The following PHF21A variants were observed in gnomAD, a reference collection of about 807,000 sequenced individuals.
The protein encoded by PHF21A is PHD finger protein 21A.
PHF21A carries 11 observed loss-of-function variants against 82.5 expected under a neutral mutation model. That is an observed-to-expected ratio of 0.13 (90% CI 0.08 to 0.22). PHF21A has a LOEUF of 0.22. Among genes scored for constraint, PHF21A ranks in the 10% least tolerant of loss-of-function variants. The probability of loss-of-function intolerance (pLI) is 1.00; values close to 1 mark genes in which losing one functional copy is unlikely to be tolerated. For synonymous variants in PHF21A, 297 were observed against 302.8 expected (o/e 0.98, Z 0.20); for missense variants, 579 against 837.8 (o/e 0.69, Z 3.81).
At chr11:45,961,782 C>T (rs571723492) in intron 10 of PHF21A, among the ~76,000 whole-genome samples, 42 of 152,236 alleles carry the variant, frequency 2.8e-4, no homozygotes, top group African/African-American at 9.2e-4. Flanking sequence ...CATTTTAGAG[C>T]GCTGGAGAGG....
intron 6 of PHF21A, among the ~76,000 whole-genome samples, chr11:46,055,158 T>C (rs546487493): frequency 2.8e-4 from 42 of 152,296 alleles, no homozygotes; most frequent in African/African-American, 1.0e-3. Context: ...GCAATCTGAA[T>C]GTAGAATCCT....
In PHF21A at chr11:45,946,015, G is replaced by A. The variant is rs146391141; in HGVS notation, c.1289-12C>T. The stretch of plus-strand genomic sequence containing the variant: ...TTTTGGAGGACGACCTATATACCAA[G>A]AGAAGGGAACAAAAGGGAAAAACGG... On this transcript the variant is annotated splice_polypyrimidine_tract_variant and intron_variant, in intron 14 of 18. Coordinates refer to ENST00000676320, the MANE Select transcript of PHF21A (RefSeq NM_001352027.3). The A allele has an allele frequency of 1.4e-5, 23 of 1,614,032 alleles. No homozygotes were observed. In the African/African-American group the frequency reaches 2.4e-4, roughly 17 times the overall value.
At chr11:45,997,365 C>A (rs999252114) in intron 6 of PHF21A, among the ~76,000 whole-genome samples, 2 of 152,098 alleles carry the variant, frequency 1.3e-5, no homozygotes, top group African/African-American at 2.4e-5. Flanking sequence ...AATAACAGGA[C>A]TATACTTCTT....
At chr11:46,000,562 A>T (rs994848383) in intron 6 of PHF21A, among the ~76,000 whole-genome samples, 2 of 152,172 alleles carry the variant, frequency 1.3e-5, no homozygotes, top group Non-Finnish European at 2.9e-5. Context: ...AAATTGACCA[A>T]TGATCTGTCA....
chr11:46,049,532 G>A (rs1160101518), intron 6 of PHF21A: 1 of 455,664 alleles, frequency 2.2e-6, no homozygotes, highest in Non-Finnish European at 4.4e-6. Flanking sequence ...AGAAGGTCAG[G>A]TAGAAGAGGG....
At chr11:46,026,677 G>A (rs983598600) in intron 6 of PHF21A, 2 of 152,018 alleles carry the variant, frequency 1.3e-5, no homozygotes, top group Non-Finnish European at 2.9e-5. Flanking sequence ...ATTAACATAT[G>A]AGCAGAGCTC....
At chr11:45,951,538 T>C (rs2135517261) in intron 11 of PHF21A, among the ~76,000 whole-genome samples, 1 of 152,358 alleles carries the variant, frequency 6.6e-6, no homozygotes, top group South Asian at 2.1e-4. Context: ...CTTTCTAAAC[T>C]GTATGTTGAA....
chr11:45,935,948 C>T (rs1453561972), intron 17 of PHF21A, among the ~76,000 whole-genome samples: 1 of 152,116 alleles, frequency 6.6e-6, no homozygotes, highest in Non-Finnish European at 1.5e-5. Flanking sequence ...TCTGGCTTTA[C>T]ATAAATGAGA....
rs2088823795 is a variant in PHF21A, at chr11:45,935,743, A to G, written c.1685-4T>C. 4 of 28,886 alleles carry G rather than the reference A, an allele frequency of 1.4e-4. No individual in the cohort carries two copies. Among genetic ancestry groups the G allele is most frequent in the African/African-American group, 1.8e-4 (1 of 5,566 alleles). 1.8% of individuals were successfully genotyped at this position (28,886 alleles called of 1,614,324 possible). A position where few individuals can be genotyped will look rare whatever the true frequency, so the allele number is the denominator to read the frequency against. On this transcript the variant is annotated splice_region_variant and splice_polypyrimidine_tract_variant and intron_variant, in intron 17 of 18. Coordinates refer to ENST00000676320, the MANE Select transcript of PHF21A (RefSeq NM_001352027.3). ...TTCTGTTTCTCTTCTTCTTTTGCTA[A>G]AAAAAAAAAAAAAAAAAAAAAGGAA...
intron 1 of PHF21A, among the ~76,000 whole-genome samples, chr11:46,092,759 CTTT>C (rs10681499): frequency 7.4e-6 from 1 of 135,636 alleles, no homozygotes; most frequent in East Asian, 2.1e-4. Flanking sequence ...TGTGTCTCAC[CTTT>C]TTTTTTTTTT....
intron 9 of PHF21A, among the ~76,000 whole-genome samples, chr11:45,967,738 G>C (rs572387875): frequency 6.6e-6 from 1 of 151,766 alleles, no homozygotes; most frequent in African/African-American, 2.4e-5. Context: ...TGTGGCCCAT[G>C]AAAGTCTTGT....
intron 6 of PHF21A, among the ~76,000 whole-genome samples, chr11:46,037,510 G>A (rs1387660103): frequency 2.0e-5 from 3 of 152,020 alleles, no homozygotes; most frequent in South Asian, 4.1e-4. Context: ...GCATGATGGC[G>A]CATGCCTGTA....
intron 10 of PHF21A, among the ~76,000 whole-genome samples, chr11:45,964,657 TA>T (rs1325357159): frequency 6.6e-6 from 1 of 152,226 alleles, no homozygotes; most frequent in African/African-American, 2.4e-5. Flanking sequence ...TGACTGCCTA[TA>T]AATCCTTCTT....
At chr11:46,031,514 A>T (rs926828418) in intron 6 of PHF21A, among the ~76,000 whole-genome samples, 3 of 152,186 alleles carry the variant, frequency 2.0e-5, no homozygotes, top group Non-Finnish European at 4.4e-5. Flanking sequence ...AGGACCCATG[A>T]GGTGAGGGTC....
Position 45,979,923 on chromosome 11 carries a change from T to C in PHF21A, c.197A>G (p.Gln66Arg). 6.2e-7 allele frequency: 1 copy of C among 1,614,222 alleles called. No individual in the cohort carries two copies. The highest frequency in any genetic ancestry group is 8.5e-7 in the Non-Finnish European group (1 of 1,180,026). The part of the protein sequence containing the change: ...EQLRKNLIVK[Q>R]EQPDKFQIQP... ...TATTTGGAACTTGTCCGGTTGTTCT[T>C]GCTTTACTATCAGGTTCTTCCGTAG... Residue 66 changes from glutamine (Q) to arginine (R), a missense_variant, in exon 7 of 19, where the codon CAA (glutamine) becomes CGA (arginine). Physicochemically the swap from Gln to Arg is conservative, Grantham distance 43 (BLOSUM62 1). Around this residue, in one of 3 missense-constraint regions of PHF21A, gnomAD observed 410 missense variants for 642.1 expected, o/e 0.64. Coordinates refer to ENST00000676320, the MANE Select transcript of PHF21A (RefSeq NM_001352027.3).
At chr11:46,060,604 G>A (rs932152587) in intron 6 of PHF21A, among the ~76,000 whole-genome samples, 4 of 152,092 alleles carry the variant, frequency 2.6e-5, no homozygotes, top group Non-Finnish European at 4.4e-5. Flanking sequence ...ATGATTGTTG[G>A]CCACATGTGT....
At chr11:45,938,036 T>C in intron 16 of PHF21A, 121 bp downstream of exon 16, 2 of 814,450 alleles carry the variant, frequency 2.5e-6, no homozygotes, top group Non-Finnish European at 3.8e-6. Context: ...ACAGGGAAGA[T>C]GCAGCCCGGA....
intron 10 of PHF21A, among the ~76,000 whole-genome samples, chr11:45,959,260 A>T (rs1196641939): frequency 9.8e-5 from 15 of 152,372 alleles, no homozygotes; most frequent in Admixed American, 9.8e-4. Context: ...TATATTAATT[A>T]GCTTGATTAT....
chr11:45,992,923 C>T (rs561721904), intron 6 of PHF21A, among the ~76,000 whole-genome samples: 286 of 152,274 alleles, frequency 1.9e-3, no homozygotes, highest in African/African-American at 6.6e-3. Context: ...ACCACTGAAC[C>T]GCAGCTACCT....
Sources: gnomAD v4.1 joint callset for allele counts (sites outside exome capture counted in the v4.1 genomes callset) on GRCh38, gnomAD v4.1.1 for gene constraint, gnomAD v4.1.1 regional missense constraint, MANE v1.5 for transcripts, NCBI Gene and HGNC (gene_info 2026-07-23, HGNC 2026-07-21) for gene names.